ESCO2: variants seen among roughly 807,000 people sequenced by gnomAD.
ESCO2 encodes establishment of sister chromatid cohesion N-acetyltransferase 2, also known as N-acetyltransferase ESCO2.
Under a neutral mutation model 61.7 loss-of-function variants are expected in ESCO2, and 51 were observed. The ratio of observed to expected loss-of-function variants is 0.83; its 90% confidence interval spans 0.66 to 1.04. ESCO2 has a LOEUF of 1.04. Among genes scored for constraint, ESCO2 ranks in the 50% least tolerant of loss-of-function variants. The pLI, the probability that ESCO2 is intolerant of heterozygous loss-of-function variation, is 0.00. For missense variants in ESCO2, 692 were observed against 686.2 expected (o/e 1.01, Z -0.09); for synonymous variants, 230 against 238.2 (o/e 0.97, Z 0.32).
chr8:27,801,732 C>T (rs1214660847), intron 10 of ESCO2, among the ~76,000 whole-genome samples: 5 of 152,098 alleles, frequency 3.3e-5, no homozygotes, highest in African/African-American at 9.7e-5. Flanking sequence ...TTAAGTTCAA[C>T]ATTTACCTCA....
At chr8:27,796,105 CTGAT>C (rs1412584099) in intron 9 of ESCO2, among the ~76,000 whole-genome samples, 2 of 148,928 alleles carry the variant, frequency 1.3e-5, no homozygotes, top group Non-Finnish European at 3.0e-5. Flanking sequence ...TTTTCTTAAA[CTGAT>C]TGAATCTCCT....
intron 10 of ESCO2, among the ~76,000 whole-genome samples, chr8:27,802,921 AT>A (rs1191494847): frequency 3.3e-5 from 5 of 150,944 alleles, no homozygotes; most frequent in Admixed American, 2.0e-4. Flanking sequence ...TAATTTTTGT[AT>A]TTTTAGTAGA....
Position 27,804,631 on chromosome 8 carries a change from C to A in ESCO2, c.*1193C>A, listed in dbSNP as rs1162562854. On this transcript the variant is annotated 3_prime_UTR_variant, in exon 11 of 11. Transcript: ENST00000305188. Reference sequence around the variant, plus strand: ...ATTCAACTGCTAACTGGCAATAAGACTCTAGGCAAGTCGTTTTCCAGATTG... The same window carrying A: ...ATTCAACTGCTAACTGGCAATAAGAATCTAGGCAAGTCGTTTTCCAGATTG... 3 of 985,240 alleles carry A rather than the reference C, an allele frequency of 3.0e-6. No individual in the cohort carries two copies. The South Asian group carries it at 1.4e-4, about 46-fold the overall frequency. 61.0% of individuals were successfully genotyped at this position (985,240 alleles called of 1,614,324 possible).
downstream of ESCO2, among the ~76,000 whole-genome samples, chr8:27,807,391 T>G (rs1382476618): frequency 6.6e-6 from 1 of 152,184 alleles, no homozygotes; most frequent in East Asian, 1.9e-4. Context: ...TCTTTATTGT[T>G]AATATGGCGG....
intron 4 of ESCO2, among the ~76,000 whole-genome samples, chr8:27,782,657 TG>T (rs1216710826): frequency 6.6e-6 from 1 of 151,454 alleles, no homozygotes; most frequent in African/African-American, 2.4e-5. Context: ...CTTCTCTAAA[TG>T]TGATATATTT....
At chr8:27,814,083 G>A (rs1805762312), downstream of ESCO2, among the ~76,000 whole-genome samples, 1 of 152,098 alleles carries the variant, frequency 6.6e-6, no homozygotes, top group Non-Finnish European at 1.5e-5. Context: ...AACAGACTGG[G>A]CAGAGGTCCT....
downstream of ESCO2, among the ~76,000 whole-genome samples, chr8:27,817,551 G>GCT (rs144396377): frequency 1.2e-4 from 18 of 148,382 alleles, no homozygotes; most frequent in East Asian, 5.9e-4. Flanking sequence ...TTTTAACCCT[G>GCT]TTTTTTTTTT....
intron 9 of ESCO2, among the ~76,000 whole-genome samples, chr8:27,794,497 T>C (rs577305617): frequency 6.6e-6 from 1 of 152,298 alleles, no homozygotes; most frequent in Admixed American, 6.5e-5. Flanking sequence ...TTGGATATTA[T>C]CCCCTATTGT....
chr8:27,806,762 G>A (rs1805572029), downstream of ESCO2, among the ~76,000 whole-genome samples: 1 of 152,020 alleles, frequency 6.6e-6, no homozygotes, highest in Admixed American at 6.6e-5. Flanking sequence ...GATTCCAGGT[G>A]CATGCCACCA....
intron 10 of ESCO2, among the ~76,000 whole-genome samples, chr8:27,801,571 C>A (rs1048547793): frequency 8.5e-5 from 13 of 152,260 alleles, no homozygotes; most frequent in Non-Finnish European, 1.5e-4. Context: ...ATACCAGTAT[C>A]TAACCTAGTT....
At chr8:27,794,333 G>T (rs1400594083) in intron 9 of ESCO2, among the ~76,000 whole-genome samples, 1 of 152,088 alleles carries the variant, frequency 6.6e-6, no homozygotes, top group Non-Finnish European at 1.5e-5. Flanking sequence ...GTTTTAATTT[G>T]CATTTCCTTG....
intron 10 of ESCO2, among the ~76,000 whole-genome samples, chr8:27,802,630 AATATATATAT>A (rs1222665973): frequency 5.2e-4 from 24 of 45,816 alleles, no homozygotes; most frequent in South Asian, 1.1e-3. Context: ...AAAAAAAAAA[AATATATATAT>A]ATATATATAT....
chr8:27,802,138 ATTCT>A (rs1805443609), intron 10 of ESCO2, among the ~76,000 whole-genome samples: 1 of 55,062 alleles, frequency 1.8e-5, no homozygotes, highest in African/African-American at 4.8e-5. Context: ...ATTTTGATTA[ATTCT>A]TTTTTTTTTT....
intron 10 of ESCO2, among the ~76,000 whole-genome samples, chr8:27,802,210 T>C (rs1216565293): frequency 6.6e-6 from 1 of 151,914 alleles, no homozygotes; most frequent in East Asian, 1.9e-4. Flanking sequence ...CTTATTACTT[T>C]TAATCCTAAG....
downstream of ESCO2, among the ~76,000 whole-genome samples, chr8:27,807,777 G>A (rs910637599): frequency 1.3e-5 from 2 of 152,142 alleles, no homozygotes; most frequent in African/African-American, 4.8e-5. Flanking sequence ...ATTGTATGTT[G>A]AAACCCTGTC....
chr8:27,813,156 A>C (rs1805729791), downstream of ESCO2, among the ~76,000 whole-genome samples: 1 of 152,234 alleles, frequency 6.6e-6, no homozygotes, highest in Non-Finnish European at 1.5e-5. Flanking sequence ...GGATGAGTTC[A>C]TATCCTTTGC....
downstream of ESCO2, among the ~76,000 whole-genome samples, chr8:27,807,438 C>T (rs761428132): frequency 1.7e-4 from 26 of 152,032 alleles, no homozygotes; most frequent in Non-Finnish European, 3.2e-4. Flanking sequence ...AATCTAGCCT[C>T]CCTGAACTAA....
Position 27,788,531 on chromosome 8 carries a change from TCC to T in ESCO2, c.1132-309_1132-308del, listed in dbSNP as rs11352429. ...TTTTAGGTCTCTTGTCTCTTTTTTT[TCC>T]CCCCCCAAAGAGATGGAGTCTCACC... On this transcript the variant is annotated intron_variant, in intron 6 of 10. Coordinates refer to ENST00000305188, the MANE Select transcript of ESCO2 (RefSeq NM_001017420.3). Among the ~76,000 whole-genome samples the T allele has an allele frequency of 1.4e-3, 216 of 151,320 alleles. 4 individuals are homozygous for T. In the East Asian group the frequency reaches 0.029, roughly 20 times the overall value.
chr8:27,797,368 T>C (rs2128957131), intron 9 of ESCO2, among the ~76,000 whole-genome samples: 1 of 152,322 alleles, frequency 6.6e-6, no homozygotes, highest in Non-Finnish European at 1.5e-5. Flanking sequence ...TTAAAATCTA[T>C]TTTGTATGAT....
Sources: gnomAD v4.1 joint callset for allele counts (sites outside exome capture counted in the v4.1 genomes callset) on GRCh38, gnomAD v4.1.1 for gene constraint, MANE v1.5 for transcripts, NCBI Gene and HGNC (gene_info 2026-07-23, HGNC 2026-07-21) for gene names.